Variants in GXYLT2 observed in about 807,000 individuals in gnomAD.
GXYLT2 encodes the protein glycosyltransferase 8 domain containing 4.
In GXYLT2, 53 loss-of-function variants were observed where a neutral mutation model predicts 45.8. The observed-to-expected ratio is 1.16, with a 90% confidence interval of 0.93 to 1.46. The LOEUF is 1.46. Among genes scored for constraint, GXYLT2 ranks in the 40% most tolerant of loss-of-function variants. GXYLT2 has a pLI of 0.00. For missense variants in GXYLT2, 551 were observed against 544.4 expected, an observed-to-expected ratio of 1.01 and a Z score of -0.12; for synonymous variants, 219 against 214.2, an observed-to-expected ratio of 1.02 and a Z score of -0.19.
intron 2 of GXYLT2, among the ~76,000 whole-genome samples, chr3:72,918,490 T>C (rs1224120891): frequency 6.6e-6 from 1 of 152,140 alleles, no homozygotes; most frequent in Non-Finnish European, 1.5e-5. Context: ...TTAGGAATAA[T>C]TCTTAGAATT....
At chr3:72,957,434 ATTGACTAGGC>A in intron 5 of GXYLT2, 82 bp downstream of exon 5, 1 of 1,396,074 alleles carries the variant, frequency 7.2e-7, no homozygotes. Context: ...CCGGGTTGCT[ATTGACTAGGC>A]TTGAATTGTG....
At chr3:72,921,538 C>T (rs899020739) in intron 2 of GXYLT2, among the ~76,000 whole-genome samples, 3 of 152,156 alleles carry the variant, frequency 2.0e-5, no homozygotes, top group Non-Finnish European at 2.9e-5. Flanking sequence ...AAGCAATTCT[C>T]GTGTCTCAGC....
chr3:72,971,940 C>T (rs1450102848), intron 6 of GXYLT2, among the ~76,000 whole-genome samples: 1 of 147,852 alleles, frequency 6.8e-6, no homozygotes, highest in Non-Finnish European at 1.5e-5. Context: ...CAGAGTGACA[C>T]TCCATCTAAA....
intron 3 of GXYLT2, among the ~76,000 whole-genome samples, chr3:72,947,672 G>A (rs1710436153): frequency 6.6e-6 from 1 of 152,040 alleles, no homozygotes. Context: ...GTGGTGGTGG[G>A]CACCTGTGTT....
chr3:72,924,871 G>T (rs1489297068), intron 3 of GXYLT2, among the ~76,000 whole-genome samples: 1 of 152,064 alleles, frequency 6.6e-6, no homozygotes, highest in Non-Finnish European at 1.5e-5. Context: ...CTCAACGTAA[G>T]AAATAAATGG....
rs1284268911 is a variant in GXYLT2 at position 72,888,228 on chromosome 3, C to G, written c.-6C>G. 5.6e-5 allele frequency: 55 copies of G among 990,566 alleles called. 2 individuals carry two copies. Among genetic ancestry groups the G allele is most frequent in the African/African-American group, 1.8e-5 (1 of 56,752 alleles). 61.4% of individuals were successfully genotyped at this position (990,566 alleles called of 1,614,324 possible). A position where few individuals can be genotyped will look rare whatever the true frequency, so the allele number is the denominator to read the frequency against. On this transcript the variant is annotated 5_prime_UTR_variant, in exon 1 of 7. Transcript: ENST00000389617. The stretch of plus-strand genomic sequence containing the variant: ...CTGGGGGCCGCCGCCGCCGCCGCGC[C>G]GCACCATGAAGCTCCGCAGCAAGGC...
At chr3:72,930,903 T>C (rs11920648) in intron 3 of GXYLT2, among the ~76,000 whole-genome samples, 2,492 of 152,168 alleles carry the variant, frequency 0.016, 54 homozygotes, top group African/African-American at 0.057. Context: ...TGCCTTACTT[T>C]CAATAATGGA....
At chr3:72,889,523 G>A (rs554296960) in intron 1 of GXYLT2, among the ~76,000 whole-genome samples, 1 of 152,190 alleles carries the variant, frequency 6.6e-6, no homozygotes, top group East Asian at 1.9e-4. Context: ...CAGTACAAAT[G>A]GGTACTGACA....
At chr3:72,946,665 A>G (rs1710417311) in intron 3 of GXYLT2, among the ~76,000 whole-genome samples, 2 of 152,130 alleles carry the variant, frequency 1.3e-5, no homozygotes. Flanking sequence ...CCTATTCGTG[A>G]GGGCTCCACC....
chr3:72,954,778 G>T (rs1458756474), intron 3 of GXYLT2, among the ~76,000 whole-genome samples: 1 of 152,162 alleles, frequency 6.6e-6, no homozygotes, highest in Non-Finnish European at 1.5e-5. Context: ...GAAGAAGTGA[G>T]AGCCACAATA....
chr3:72,889,728 T>C lies in GXYLT2; in HGVS notation c.275+1220T>C, dbSNP rs544897578. Among the ~76,000 whole-genome samples the C allele has an allele frequency of 2.7e-4, 41 of 152,304 alleles. No homozygotes were observed. The South Asian group carries it at 5.0e-3, about 18-fold the overall frequency. On this transcript the variant is annotated intron_variant, in intron 1 of 6. Transcript: ENST00000389617. ...GCAAGTTTAATATGATTGCTAAGTT[T>C]GATGGGACAACTGGTAAGATAATAA...
chr3:72,915,361 G>GC lies in GXYLT2; in HGVS notation c.468+6802_468+6803insC, dbSNP rs34660402. 4.1e-5 allele frequency among the ~76,000 whole-genome samples: 5 copies of GC among 122,960 alleles called. 1 individual carries two copies. The highest frequency in any genetic ancestry group is 6.4e-5 in the African/African-American group (2 of 31,182). 80.7% of individuals were successfully genotyped at this position (122,960 alleles called of 152,430 possible). A position where few individuals can be genotyped will look rare whatever the true frequency, so the allele number is the denominator to read the frequency against. On this transcript the variant is annotated intron_variant, in intron 2 of 6. Transcript: ENST00000389617. ...TCCTTTTTTTTTTTTTTTTGCGGGG[G>GC]GGGGGGGGATTTAGGAAAAATAGCC...
chr3:72,916,728 C>T (rs9682107), intron 2 of GXYLT2, among the ~76,000 whole-genome samples: 7 of 150,626 alleles, frequency 4.6e-5, no homozygotes, highest in East Asian at 2.0e-4. Context: ...TTAGTAGAGA[C>T]GGGGGTTTCA....
chr3:72,907,814 C>T (rs1447837664), intron 1 of GXYLT2, among the ~76,000 whole-genome samples: 1 of 152,120 alleles, frequency 6.6e-6, no homozygotes, highest in Non-Finnish European at 1.5e-5. Context: ...CCTGAGATGT[C>T]GTCAGGGCGC....
At chr3:72,926,134 A>G (rs1709914441) in intron 3 of GXYLT2, among the ~76,000 whole-genome samples, 2 of 152,218 alleles carry the variant, frequency 1.3e-5, no homozygotes, top group Non-Finnish European at 2.9e-5. Context: ...TAGTCAGTTG[A>G]CTGAGGACCA....
At chr3:72,896,932 T>A (rs1003172260) in intron 1 of GXYLT2, among the ~76,000 whole-genome samples, 1 of 152,132 alleles carries the variant, frequency 6.6e-6, no homozygotes, top group Non-Finnish European at 1.5e-5. Flanking sequence ...AATAACATGC[T>A]TTTTGCTGCC....
At chr3:72,957,567 C>T (rs1251744985) in intron 5 of GXYLT2, among the ~76,000 whole-genome samples, 3 of 152,146 alleles carry the variant, frequency 2.0e-5, no homozygotes, top group Non-Finnish European at 2.9e-5. Flanking sequence ...GTTGAAACTT[C>T]CAACACTGGA....
chr3:72,895,899 T>C (rs542881751), intron 1 of GXYLT2, among the ~76,000 whole-genome samples: 8 of 152,336 alleles, frequency 5.3e-5, no homozygotes, highest in Non-Finnish European at 8.8e-5. Flanking sequence ...TGTAATCTCA[T>C]ATGGTACAAT....
chr3:72,936,613 C>T (rs763257080), intron 3 of GXYLT2, among the ~76,000 whole-genome samples: 5 of 152,136 alleles, frequency 3.3e-5, no homozygotes, highest in Admixed American at 6.5e-5. Flanking sequence ...GCACTCCAGT[C>T]TGGGTGACAG....
Sources: allele counts gnomAD v4.1 joint callset (sites outside exome capture counted in the v4.1 genomes callset), GRCh38; gene constraint gnomAD v4.1.1; transcripts MANE v1.5; gene names NCBI Gene and HGNC (gene_info 2026-07-23, HGNC 2026-07-21).